NDRG1: variants seen among roughly 807,000 people sequenced by gnomAD.
NDRG1 encodes the protein N-myc downstream regulated 1, also known as protein NDRG1.
Under a neutral mutation model 56.9 loss-of-function variants are expected in NDRG1, and 32 were observed. The observed-to-expected ratio is 0.56, with a 90% CI of 0.42 to 0.76. The LOEUF is 0.76. NDRG1 is among the 30% of genes least tolerant of loss of function. NDRG1 has a pLI of 0.00. For missense variants in NDRG1, 507 were observed against 545.7 expected, an observed-to-expected ratio of 0.93 and a Z score of 0.71; for synonymous variants, 211 against 204.1, an observed-to-expected ratio of 1.03 and a Z score of -0.29.
intron 1 of NDRG1, among the ~76,000 whole-genome samples, chr8:133,293,127 C>T (rs1858518616): frequency 6.6e-6 from 1 of 152,204 alleles, no homozygotes; most frequent in African/African-American, 2.4e-5. Flanking sequence ...CAGGTTGGCA[C>T]CTACTCATGG....
Position 133,280,268 on chromosome 8 carries a change from C to T in NDRG1, c.64-1G>A. The T allele has an allele frequency of 3.1e-6, 5 of 1,614,020 alleles. No homozygotes were observed. Among genetic ancestry groups the T allele is most frequent in the Non-Finnish European group, 4.2e-6 (5 of 1,179,942 alleles). On this transcript the variant is annotated splice_acceptor_variant, in intron 2 of 15. Transcript: ENST00000323851. LOFTEE classifies it high-confidence loss of function. ...ACTCTTGCAGGAGGCCGGTGATGGT[C>T]TGTGAAAAGACAAAAAAAATTGTCA... is the stretch of plus-strand genomic sequence containing the variant.
At chr8:133,272,844 G>A (rs1487903558) in intron 3 of NDRG1, among the ~76,000 whole-genome samples, 1 of 152,222 alleles carries the variant, frequency 6.6e-6, no homozygotes, top group Non-Finnish European at 1.5e-5. Context: ...GCTTCTGTCT[G>A]AGTTCTGCCC....
rs139220402 is a variant in NDRG1, at chr8:133,258,385, T to C, written c.431A>G (p.Tyr144Cys). The C allele has an allele frequency of 2.8e-5, 45 of 1,612,152 alleles. No homozygotes were observed. The Admixed American group carries it at 3.5e-4, about 13-fold the overall frequency. The change falls in exon 7 of 16, where the codon TAC (tyrosine) becomes TGC (cysteine). Residue 144 changes from tyrosine to cysteine, a missense_variant. By Grantham distance (194) the Tyr-to-Cys change is radical. Transcript: ENST00000323851. ...ACTCACAGCAAATCGAGTTAGGATG[T>C]AGGCGCCTGCTCCTGTTCCCATGCC... Reference protein sequence around the residue: ...IIGMGTGAGAYILTRFALNNP... With the variant: ...IIGMGTGAGACILTRFALNNP...
At chr8:133,263,816 T>A (rs1856772485) in intron 4 of NDRG1, among the ~76,000 whole-genome samples, 1 of 150,624 alleles carries the variant, frequency 6.6e-6, no homozygotes, top group African/African-American at 2.5e-5. Context: ...CTTGGGAGGC[T>A]GAGGCAAAAG....
intron 5 of NDRG1, among the ~76,000 whole-genome samples, chr8:133,261,426 C>T (rs577049597): frequency 9.2e-5 from 14 of 152,144 alleles, no homozygotes; most frequent in African/African-American, 2.4e-4. Flanking sequence ...CCACCATGCC[C>T]GGCCTCAGCT....
At chr8:133,255,269 C>T (rs1266574854) in intron 8 of NDRG1, 2 of 456,264 alleles carry the variant, frequency 4.4e-6, no homozygotes, top group Admixed American at 2.3e-5. Flanking sequence ...AGTCTGCATA[C>T]CTCTGGGTCT....
In NDRG1 at chr8:133,238,245, C is replaced by T. The variant is rs1588215311; in HGVS notation, c.*633G>A. On this transcript the variant is annotated 3_prime_UTR_variant, in exon 16 of 16. Coordinates refer to ENST00000323851, the MANE Select transcript of NDRG1 (RefSeq NM_006096.4). Reference sequence around the variant, plus strand: ...GAAAAATCAAGCTTGTTTGCTTCTGCATTCAAAGCTTTCTAGATGCACCAA... The same window carrying T: ...GAAAAATCAAGCTTGTTTGCTTCTGTATTCAAAGCTTTCTAGATGCACCAA... 1 of 232,584 alleles carries T rather than the reference C, an allele frequency of 4.3e-6. No individual in the cohort carries two copies. The highest frequency in any genetic ancestry group is 6.1e-5 in the East Asian group (1 of 16,486). The allele number at this position is 232,584 out of a possible 1,614,324, so 14.4% of individuals were successfully genotyped here. A position where few individuals can be genotyped will look rare whatever the true frequency, so the allele number is the denominator to read the frequency against.
intron 3 of NDRG1, among the ~76,000 whole-genome samples, chr8:133,268,863 TCACACA>T (rs10569573): frequency 2.1e-4 from 32 of 149,532 alleles, no homozygotes; most frequent in South Asian, 4.3e-4. Context: ...ATCCCCTAAG[TCACACA>T]CACACACACA....
chr8:133,259,113 T>A (rs556708645), intron 6 of NDRG1, 55 bp downstream of exon 6: 1 of 1,574,150 alleles, frequency 6.4e-7, no homozygotes, highest in South Asian at 1.1e-5. Context: ...GGCAGGAAGA[T>A]GCTAGAAACC....
At chr8:133,239,169 G>A in intron 15 of NDRG1, 50 bp from the exon 16 acceptor site, 3 of 1,548,536 alleles carry the variant, frequency 1.9e-6, no homozygotes, top group Non-Finnish European at 8.7e-7. Context: ...TGCCAGGTGA[G>A]GAGCCAGGCA....
At chr8:133,285,620 G>A (rs948621079) in intron 1 of NDRG1, among the ~76,000 whole-genome samples, 5 of 152,190 alleles carry the variant, frequency 3.3e-5, no homozygotes, top group South Asian at 2.1e-4. Context: ...AATCCACCCC[G>A]GGTCCATCCC....
rs2233341 is a variant in NDRG1 at position 133,244,316 on chromosome 8, G to T, written c.891+39C>A. On this transcript the variant is annotated intron_variant, in intron 14 of 15. Transcript: ENST00000323851. ...GCACATGCACTCCACCCAGGGGGAAGCGACAGCTGTATAATGCAAAAGCCA... is the reference window on the plus strand; with the variant it reads ...GCACATGCACTCCACCCAGGGGGAATCGACAGCTGTATAATGCAAAAGCCA... 161,228 of 1,612,734 alleles carry T rather than the reference G, an allele frequency of 0.1. 8,886 individuals carry two copies. Among genetic ancestry groups the T allele is most frequent in the Admixed American group, 0.22 (13,045 of 59,956 alleles).
chr8:133,265,673 C>T (rs542487690), intron 3 of NDRG1, among the ~76,000 whole-genome samples: 1 of 152,236 alleles, frequency 6.6e-6, no homozygotes, highest in East Asian at 1.9e-4. Flanking sequence ...AGCTGAAGAC[C>T]TGCTCACCTT....
Position 133,280,247 on chromosome 8 carries a change from T to C in NDRG1, c.84A>G (p.Gln28=). 1 of 1,614,098 alleles carries C rather than the reference T, an allele frequency of 6.2e-7. No individual in the cohort carries two copies. Residue 28 remains glutamine (Q), a synonymous_variant, in exon 3 of 16, where the codon CAA becomes CAG. Transcript: ENST00000323851. The stretch of plus-strand genomic sequence containing the variant: ...CTCTACTTGCCTGGACATCAAACTC[T>C]TGCAGGAGGCCGGTGATGGTCTGTG... ...EKGETITGLL[Q]EFDVQEQDIE...
intron 3 of NDRG1, among the ~76,000 whole-genome samples, chr8:133,269,352 G>C (rs990090442): frequency 6.6e-6 from 1 of 152,200 alleles, no homozygotes; most frequent in Non-Finnish European, 1.5e-5. Context: ...AGGATGAAAA[G>C]ACAAAAACCT....
chr8:133,295,448 C>G (rs998239483), intron 1 of NDRG1, among the ~76,000 whole-genome samples: 2 of 152,228 alleles, frequency 1.3e-5, no homozygotes, highest in African/African-American at 4.8e-5. Flanking sequence ...TCCTTCATCC[C>G]CGACACTGTG....
chr8:133,265,761 C>T (rs961831115), intron 3 of NDRG1, among the ~76,000 whole-genome samples: 6 of 152,196 alleles, frequency 3.9e-5, no homozygotes, highest in African/African-American at 1.4e-4. Flanking sequence ...ACCAATCTGT[C>T]ACCTGCCATG....
chr8:133,243,981 T>C (rs1459180051), intron 14 of NDRG1, among the ~76,000 whole-genome samples: 1 of 152,004 alleles, frequency 6.6e-6, no homozygotes, highest in African/African-American at 2.4e-5. Context: ...CACAGAAACA[T>C]GCATGCACAC....
In NDRG1 at chr8:133,238,440, A is replaced by G. The variant is rs1855180515; in HGVS notation, c.*438T>C. The G allele has an allele frequency of 3.9e-6, 1 of 256,072 alleles. No individual in the cohort carries two copies. Among genetic ancestry groups the G allele is most frequent in the South Asian group, 1.5e-4 (1 of 6,530 alleles). 15.9% of individuals were successfully genotyped at this position (256,072 alleles called of 1,614,324 possible). On this transcript the variant is annotated 3_prime_UTR_variant, in exon 16 of 16. Coordinates refer to ENST00000323851, the MANE Select transcript of NDRG1 (RefSeq NM_006096.4). ...AATGAGAAAAGGATTTTGTTTCCGG[A>G]AACTGGATCAGCTTCTCCTCAGTTA...
Sources: allele counts gnomAD v4.1 joint callset (sites outside exome capture counted in the v4.1 genomes callset), GRCh38; gene constraint gnomAD v4.1.1; transcripts MANE v1.5; gene names NCBI Gene and HGNC (gene_info 2026-07-23, HGNC 2026-07-21).